The following P2RY11 variants were observed in gnomAD, a reference collection of about 807,000 sequenced individuals.
P2RY11 encodes the protein P2Y purinoceptor 11.
A neutral mutation model predicts 2.4 loss-of-function variants in P2RY11; 3 were observed. The observed-to-expected ratio is 1.22, with a 90% CI of 0.56 to 3.17. The LOEUF is 3.17. Ranked by LOEUF, P2RY11 falls within the 30% of genes most tolerant of loss-of-function variation. The probability of loss-of-function intolerance (pLI) is 0.03; values close to 1 mark genes in which losing one functional copy is unlikely to be tolerated. For missense variants in P2RY11, 670 were observed against 528.2 expected (o/e 1.27, Z -2.63); for synonymous variants, 307 against 237.3 (o/e 1.29, Z -2.70).
chr19:10,114,474 C>T lies in P2RY11; in HGVS notation c.861C>T (p.Asp287=), dbSNP rs755301928. 3.1e-6 allele frequency: 5 copies of T among 1,612,270 alleles called. No individual in the cohort carries two copies. The East Asian group carries it at 6.7e-5, about 22-fold the overall frequency. Residue 287 remains aspartate, a synonymous_variant, in exon 2 of 2, where the codon GAC becomes GAT. Transcript: ENST00000321826. ...GCACCCGCTGCCCGAGCTTTGCAGA[C>T]ATAGCCCAGGCCACAGCAGCCCTGG... ...RWSTRCPSFA[D]IAQATAALEL... is the part of the protein sequence containing the mutation.
chr19:10,115,192 A>C lies in P2RY11; in HGVS notation c.*454A>C. ...GGGCACCCCAAGACCCCAGACACCC[A>C]AGTGGCATCTTGGGGGTGGGTGGGC... is the stretch of plus-strand genomic sequence containing the variant. On this transcript the variant is annotated 3_prime_UTR_variant, in exon 2 of 2. Coordinates refer to ENST00000321826, the MANE Select transcript of P2RY11 (RefSeq NM_002566.5). 5.0e-6 allele frequency: 8 copies of C among 1,598,620 alleles called. No individual in the cohort carries two copies. Among genetic ancestry groups the C allele is most frequent in the Non-Finnish European group, 6.8e-6 (8 of 1,171,264 alleles).
In P2RY11 at chr19:10,114,168, C is replaced by A. The variant is rs139489816; in HGVS notation, c.555C>A (p.Pro185=). The change falls in exon 2 of 2, where the codon CCC becomes CCA. Residue 185 remains proline (P), a synonymous_variant. Coordinates refer to ENST00000321826, the MANE Select transcript of P2RY11 (RefSeq NM_002566.5). The stretch of plus-strand genomic sequence containing the variant: ...CGGGCAACTGCAGCGTGGCCAGGCC[C>A]GAGGCCTGCATCAAGTGTCTGGGGA... The part of the protein sequence containing the change: ...QGAGNCSVAR[P]EACIKCLGTA... The A allele has an allele frequency of 2.5e-6, 4 of 1,600,684 alleles. No individual in the cohort carries two copies. Among genetic ancestry groups the A allele is most frequent in the Non-Finnish European group, 3.4e-6 (4 of 1,179,478 alleles).
In P2RY11 at chr19:10,115,242, A is replaced by G; in HGVS notation, c.*504A>G. ...CAGAGGACGGGGTAATGTGAGGACG[A>G]AGCGGGCACGGAGCCAGATGGCCAG... On this transcript the variant is annotated 3_prime_UTR_variant, in exon 2 of 2. Coordinates refer to ENST00000321826, the MANE Select transcript of P2RY11 (RefSeq NM_002566.5). 2 of 1,398,156 alleles carry G rather than the reference A, an allele frequency of 1.4e-6. No homozygotes were observed. Among genetic ancestry groups the G allele is most frequent in the South Asian group, 1.3e-5 (1 of 74,284 alleles). 86.6% of individuals were successfully genotyped at this position (1,398,156 alleles called of 1,614,324 possible).
Position 10,113,689 on chromosome 19 carries a change from T to TAGATC in P2RY11, c.76_77insAGATC (p.Phe26Ter). The TAGATC allele has an allele frequency of 6.3e-7, 1 of 1,591,840 alleles. No homozygotes were observed. The highest frequency in any genetic ancestry group is 1.7e-5 in the Admixed American group (1 of 58,246). ...AGCTGCCGACGACAAACTCAGTGGGTTCCAGGGGGACTTCCTGTGGCCCAT... is the reference window on the plus strand; with the variant it reads ...AGCTGCCGACGACAAACTCAGTGGGTAGATCTCCAGGGGGACTTCCTGTGGCCCAT... On this transcript the variant is annotated stop_gained and frameshift_variant, in exon 2 of 2. Coordinates refer to ENST00000321826, the MANE Select transcript of P2RY11 (RefSeq NM_002566.5). LOFTEE classifies it low-confidence loss of function (END_TRUNC).
rs145891760 is a variant in P2RY11, at chr19:10,114,336, C to T, written c.723C>T (p.Ala241=). ...TACGCAGCCCAGGCATGACTGTGGC[C>T]GAGAAGCTGCGTGTGGCAGCGTTGG... ...AVLRSPGMTV[A]EKLRVAALVA... The change falls in exon 2 of 2, where the codon GCC becomes GCT. Residue 241 remains alanine, a synonymous_variant. Coordinates refer to ENST00000321826, the MANE Select transcript of P2RY11 (RefSeq NM_002566.5). The T allele has an allele frequency of 1.2e-4, 190 of 1,600,690 alleles. No individual in the cohort carries two copies. The highest frequency in any genetic ancestry group is 1.2e-4 in the Non-Finnish European group (145 of 1,178,154).
In P2RY11 at chr19:10,114,565, C is replaced by T. The variant is rs544200226; in HGVS notation, c.952C>T (p.Pro318Ser). Residue 318 changes from proline to serine, a missense_variant, in exon 2 of 2, where the codon CCT (proline) becomes TCT (serine). Physicochemically the swap from Pro to Ser is moderately conservative, Grantham distance 74. Transcript: ENST00000321826. ...GLMPLAFCVH[P>S]LLYMAAVPSL... Reference sequence around the variant, plus strand: ...CATGCCCCTGGCCTTCTGTGTCCACCCTCTACTCTACATGGCCGCAGTGCC... The same window carrying T: ...CATGCCCCTGGCCTTCTGTGTCCACTCTCTACTCTACATGGCCGCAGTGCC... The T allele has an allele frequency of 1.9e-6, 3 of 1,613,656 alleles. No homozygotes were observed. The highest frequency in any genetic ancestry group is 2.2e-5 in the South Asian group (2 of 91,072).
At chr19:10,113,337 G>A (rs1344926327) in intron 1 of P2RY11, among the ~76,000 whole-genome samples, 1 of 152,134 alleles carries the variant, frequency 6.6e-6, no homozygotes, top group East Asian at 1.9e-4. Context: ...TGGGGAGGAG[G>A]CCTCTAGTGG....
rs2089209825 is a variant in P2RY11, at chr19:10,114,845, T to C, written c.*107T>C. The stretch of plus-strand genomic sequence containing the variant: ...TTCCCCCAAAAAGCAACACCTGTGC[T>C]TGCAGCCAGGTCAGGCCCAGCTGCA... On this transcript the variant is annotated 3_prime_UTR_variant, in exon 2 of 2. Transcript: ENST00000321826. 6.7e-7 allele frequency: 1 copy of C among 1,494,918 alleles called. No homozygotes were observed. Among genetic ancestry groups the C allele is most frequent in the Admixed American group, 2.3e-5 (1 of 43,964 alleles). The allele number at this position is 1,494,918 out of a possible 1,614,324, so 92.6% of individuals were successfully genotyped here. A position where few individuals can be genotyped will look rare whatever the true frequency, so the allele number is the denominator to read the frequency against.
At chr19:10,111,993 C>G (rs2089098157) in intron 1 of P2RY11, 1 of 466,744 alleles carries the variant, frequency 2.1e-6, no homozygotes, top group Non-Finnish European at 3.9e-6. Context: ...GCCTGTAATC[C>G]CAGCTACTCG....
In P2RY11 at chr19:10,114,441, G is replaced by T; in HGVS notation, c.828G>T (p.Arg276=). 1 of 1,611,540 alleles carries T rather than the reference G, an allele frequency of 6.2e-7. No individual in the cohort carries two copies. ...GGGTGCTCAACGTGGATGCTCGGCG[G>T]CGCTGGAGCACCCGCTGCCCGAGCT... The part of the protein sequence containing the change: ...IMRVLNVDAR[R]RWSTRCPSFA... The change falls in exon 2 of 2, where the codon CGG becomes CGT. Residue 276 remains arginine (R), a synonymous_variant. Coordinates refer to ENST00000321826, the MANE Select transcript of P2RY11 (RefSeq NM_002566.5).
In P2RY11 at chr19:10,113,897, G is replaced by A. The variant is rs745892523; in HGVS notation, c.284G>A (p.Trp95Ter). 2 of 1,608,130 alleles carry A rather than the reference G, an allele frequency of 1.2e-6. No individual in the cohort carries two copies. Among genetic ancestry groups the A allele is most frequent in the Non-Finnish European group, 1.7e-6 (2 of 1,179,768 alleles). The change falls in exon 2 of 2, where the codon TGG (tryptophan) becomes TAG (stop). Residue 95 changes from tryptophan to a stop codon, truncating the protein, a stop_gained. Transcript: ENST00000321826. LOFTEE classifies it low-confidence loss of function (END_TRUNC). ...LAAYLYPPKH[W>*]RYGEAACRLE... The stretch of plus-strand genomic sequence containing the variant: ...GCCTACCTCTATCCCCCCAAGCACT[G>A]GCGCTATGGGGAGGCCGCGTGCCGC...
In P2RY11 at chr19:10,114,754, G is replaced by A. The variant is rs2089207182; in HGVS notation, c.*16G>A. 1.3e-6 allele frequency: 2 copies of A among 1,585,734 alleles called. No homozygotes were observed. Among genetic ancestry groups the A allele is most frequent in the Non-Finnish European group, 1.7e-6 (2 of 1,162,610 alleles). On this transcript the variant is annotated 3_prime_UTR_variant, in exon 2 of 2. Transcript: ENST00000321826. ...GAGCCAATGATGTGGCCTAGCGGAA[G>A]CTGCCTCCTCACCCTAGGTGTTGCT...
chr19:10,114,451 A>AC lies in P2RY11; in HGVS notation c.841dup (p.Arg281ProfsTer83), dbSNP rs1302853126. On this transcript the variant is annotated frameshift_variant, in exon 2 of 2. Transcript: ENST00000321826. LOFTEE classifies it low-confidence loss of function (END_TRUNC). ...CGTGGATGCTCGGCGGCGCTGGAGC[A>AC]CCCGCTGCCCGAGCTTTGCAGACAT... 1.2e-6 allele frequency: 2 copies of AC among 1,611,534 alleles called. No homozygotes were observed. Among genetic ancestry groups the AC allele is most frequent in the Non-Finnish European group, 1.7e-6 (2 of 1,179,838 alleles).
intron 1 of P2RY11, among the ~76,000 whole-genome samples, chr19:10,113,214 C>T (rs758909873): frequency 4.6e-5 from 7 of 152,176 alleles, no homozygotes; most frequent in Non-Finnish European, 1.0e-4. Context: ...GGAGAAGAGG[C>T]TTTGGGCGGC....
intron 1 of P2RY11, among the ~76,000 whole-genome samples, chr19:10,112,883 A>C (rs1189983202): frequency 6.6e-6 from 1 of 152,188 alleles, no homozygotes; most frequent in Non-Finnish European, 1.5e-5. Context: ...CAGAGGTTGC[A>C]GTGAGCTGAA....
At position 10,114,535 on chromosome 19, in the gene P2RY11, G is replaced by C; in HGVS notation, c.922G>C (p.Gly308Arg). The part of the protein sequence containing the change: ...GPYVGYQVMR[G>R]LMPLAFCVHP... ...CTACGTGGGCTACCAGGTGATGCGG[G>C]GCCTCATGCCCCTGGCCTTCTGTGT... Residue 308 changes from glycine to arginine, a missense_variant, in exon 2 of 2, where the codon GGC (glycine) becomes CGC (arginine). Physicochemically the swap from Gly to Arg is moderately radical, Grantham distance 125. Transcript: ENST00000321826. The C allele has an allele frequency of 6.2e-7, 1 of 1,611,436 alleles. No homozygotes were observed. The highest frequency in any genetic ancestry group is 8.5e-7 in the Non-Finnish European group (1 of 1,178,358).
chr19:10,115,302 C>A lies in P2RY11; in HGVS notation c.*564C>A. On this transcript the variant is annotated 3_prime_UTR_variant, in exon 2 of 2. Coordinates refer to ENST00000321826, the MANE Select transcript of P2RY11 (RefSeq NM_002566.5). ...CTGGTCCACGGACTGGCAGGGACCC[C>A]AGGCACAAGAGCTGCCACCCCTCTG... 1 of 1,113,652 alleles carries A rather than the reference C, an allele frequency of 9.0e-7. No individual in the cohort carries two copies. The highest frequency in any genetic ancestry group is 1.3e-6 in the Non-Finnish European group (1 of 792,380). The allele number at this position is 1,113,652 out of a possible 1,614,324, so 69.0% of individuals were successfully genotyped here.
In P2RY11 at chr19:10,114,330, T is replaced by C. The variant is rs572891487; in HGVS notation, c.717T>C (p.Thr239=). Residue 239 remains threonine (T), a synonymous_variant, in exon 2 of 2, where the codon ACT becomes ACC. Transcript: ENST00000321826. ...CCGTGCTACGCAGCCCAGGCATGACTGTGGCCGAGAAGCTGCGTGTGGCAG... is the reference window on the plus strand; with the variant it reads ...CCGTGCTACGCAGCCCAGGCATGACCGTGGCCGAGAAGCTGCGTGTGGCAG... The part of the protein sequence containing the change: ...GRAVLRSPGM[T]VAEKLRVAAL... 6.2e-7 allele frequency: 1 copy of C among 1,600,054 alleles called. No homozygotes were observed. Among genetic ancestry groups the C allele is most frequent in the South Asian group, 1.1e-5 (1 of 90,988 alleles).
intron 1 of P2RY11, 106 bp from the exon 2 acceptor site, chr19:10,113,527 G>A: frequency 6.7e-7 from 1 of 1,489,246 alleles, no homozygotes; most frequent in African/African-American, 1.4e-5. Flanking sequence ...GGAGGGGAAA[G>A]AACTCGTGTC....
Sources: gnomAD v4.1 joint callset for allele counts (sites outside exome capture counted in the v4.1 genomes callset) on GRCh38, gnomAD v4.1.1 for gene constraint, MANE v1.5 for transcripts, NCBI Gene and HGNC (gene_info 2026-07-23, HGNC 2026-07-21) for gene names.